Variants in DOCK4 observed in about 807,000 individuals in gnomAD.
The protein encoded by DOCK4 is dedicator of cytokinesis 4.
DOCK4 carries 97 observed loss-of-function variants against 268.1 expected under a neutral mutation model. The observed-to-expected ratio is 0.36, with a 90% CI of 0.31 to 0.43. The LOEUF is 0.43. Ranked by LOEUF, DOCK4 falls within the 20% of genes least tolerant of loss-of-function variation. DOCK4 has a pLI of 1.00. For missense variants in DOCK4, 2,145 were observed against 2,455.7 expected (o/e 0.87, Z 2.67); for synonymous variants, 954 against 887.2 (o/e 1.08, Z -1.34).
Position 111,809,348 on chromosome 7 carries a change from C to T in DOCK4, c.3060G>A (p.Leu1020=). The change falls in exon 29 of 53, where the codon CTG becomes CTA. Residue 1020 remains leucine (L), a synonymous_variant. Transcript: ENST00000428084. ...TGGAAGGTGTGAACATCTCCAACTGCAGACACAACTGGTTTATAAAAATGA... is the reference window on the plus strand; with the variant it reads ...TGGAAGGTGTGAACATCTCCAACTGTAGACACAACTGGTTTATAAAAATGA... ...LAVIFINQLC[L]QLEMFTPSKK... 6.4e-7 allele frequency: 1 copy of T among 1,567,588 alleles called. No individual in the cohort carries two copies. The highest frequency in any genetic ancestry group is 8.7e-7 in the Non-Finnish European group (1 of 1,154,348).
chr7:112,060,414 T>C (rs1052236306), intron 1 of DOCK4, among the ~76,000 whole-genome samples: 4 of 152,148 alleles, frequency 2.6e-5, no homozygotes, highest in Non-Finnish European at 5.9e-5. Context: ...AGTATAATGG[T>C]TCCTCAAAAA....
At position 111,789,503 on chromosome 7, in the gene DOCK4, C is replaced by G. The variant is rs910250472; in HGVS notation, c.3316-756G>C. On this transcript the variant is annotated intron_variant, in intron 31 of 52. Transcript: ENST00000428084. ...AGGAATATTTGACTTTGTCAAAAGA[C>G]TAAGCCCAATTATTATTCCTTTAAA... Among the ~76,000 whole-genome samples the G allele has an allele frequency of 5.9e-5, 9 of 152,128 alleles. 1 individual carries two copies. The highest frequency in any genetic ancestry group is 2.2e-4 in the African/African-American group (9 of 41,424).
chr7:112,036,244 C>T (rs754124412), intron 1 of DOCK4, among the ~76,000 whole-genome samples: 17 of 151,668 alleles, frequency 1.1e-4, no homozygotes, highest in Non-Finnish European at 1.8e-4. Flanking sequence ...AAGGACTTGA[C>T]GATGAAAATT....
chr7:111,976,308 T>TG (rs1798204737), intron 8 of DOCK4, among the ~76,000 whole-genome samples: 1 of 93,210 alleles, frequency 1.1e-5, no homozygotes, highest in Non-Finnish European at 2.2e-5. Context: ...TATATATATA[T>TG]ATATATATAT....
intron 43 of DOCK4, among the ~76,000 whole-genome samples, chr7:111,747,053 CAT>C (rs763786317): frequency 2.0e-4 from 30 of 152,206 alleles, no homozygotes; most frequent in East Asian, 5.8e-4. Flanking sequence ...CACACACACA[CAT>C]TTTTATTATC....
chr7:112,167,191 G>C (rs368856219), intron 1 of DOCK4, among the ~76,000 whole-genome samples: 47 of 152,254 alleles, frequency 3.1e-4, no homozygotes, highest in African/African-American at 1.1e-3. Flanking sequence ...TAATAACACT[G>C]ATCAACTTCT....
chr7:112,205,523 G>A (rs1821326481), intron 1 of DOCK4, among the ~76,000 whole-genome samples: 1 of 152,116 alleles, frequency 6.6e-6, no homozygotes, highest in Non-Finnish European at 1.5e-5. Flanking sequence ...TCGCAGAGAG[G>A]GAGGAGGGTC....
chr7:111,940,457 C>T (rs1397353021), intron 10 of DOCK4, among the ~76,000 whole-genome samples: 2 of 152,142 alleles, frequency 1.3e-5, no homozygotes, highest in African/African-American at 2.4e-5. Context: ...AAATTCTGGG[C>T]GTCAGTTGCC....
intron 39 of DOCK4, among the ~76,000 whole-genome samples, chr7:111,762,747 ATTTTGTTTTGTTTTCTTTTTTTTTTTT>A (rs2133608904): frequency 1.3e-5 from 1 of 78,804 alleles, no homozygotes; most frequent in Admixed American, 1.4e-4. Flanking sequence ...TAAATAACCC[ATTTTGTTTTGTTTTCTTTTTTTTTTTT>A]TTTTTTTTTT....
intron 23 of DOCK4, among the ~76,000 whole-genome samples, chr7:111,857,645 A>T (rs1461552988): frequency 6.6e-6 from 1 of 152,216 alleles, no homozygotes; most frequent in East Asian, 1.9e-4. Context: ...TCAAGTACCA[A>T]GCAATGGTGA....
intron 12 of DOCK4, among the ~76,000 whole-genome samples, chr7:111,932,052 G>A (rs1353898668): frequency 6.6e-6 from 1 of 152,182 alleles, no homozygotes; most frequent in Non-Finnish European, 1.5e-5. Context: ...TTATGTTAGA[G>A]TCTATCTAGA....
At chr7:111,746,511 G>T in intron 43 of DOCK4, 94 bp from the exon 44 acceptor site, 1 of 996,280 alleles carries the variant, frequency 1.0e-6, no homozygotes, top group Admixed American at 2.1e-5. Flanking sequence ...TTATGGAAAT[G>T]ACACCATTAC....
intron 42 of DOCK4, among the ~76,000 whole-genome samples, chr7:111,751,052 C>T (rs145680444): frequency 0.01 from 1,540 of 152,080 alleles, 33 homozygotes; most frequent in African/African-American, 0.035. Context: ...ATTTTGCAAC[C>T]CATAAAAGAT....
At chr7:111,923,331 T>C (rs1277159099) in intron 12 of DOCK4, among the ~76,000 whole-genome samples, 1 of 152,220 alleles carries the variant, frequency 6.6e-6, no homozygotes, top group Non-Finnish European at 1.5e-5. Context: ...TGTAACAGTT[T>C]GGCAAGTAAA....
intron 31 of DOCK4, chr7:111,789,082 T>G (rs1030273456): frequency 2.5e-5 from 8 of 320,054 alleles, no homozygotes; most frequent in African/African-American, 1.7e-4. Flanking sequence ...TTCTTTTTTC[T>G]TTTTTTTAAA....
chr7:111,735,222 C>T (rs1254037910), intron 50 of DOCK4, 55 bp from the exon 51 acceptor site: 7 of 1,171,678 alleles, frequency 6.0e-6, no homozygotes, highest in Non-Finnish European at 7.1e-6. Context: ...CCTTCCAATG[C>T]TTGAGATCTT....
chr7:111,954,521 A>G (rs1227622676), intron 8 of DOCK4, among the ~76,000 whole-genome samples: 1 of 152,100 alleles, frequency 6.6e-6, no homozygotes, highest in Non-Finnish European at 1.5e-5. Flanking sequence ...AGCTTAAGGG[A>G]ATGAATAACT....
chr7:112,190,899 T>G (rs1227769978), intron 1 of DOCK4, among the ~76,000 whole-genome samples: 2 of 152,058 alleles, frequency 1.3e-5, no homozygotes, highest in East Asian at 3.9e-4. Flanking sequence ...GGACAGGGCT[T>G]CTCTGAGCAT....
chr7:112,195,252 C>G (rs889331748), intron 1 of DOCK4, among the ~76,000 whole-genome samples: 4 of 152,288 alleles, frequency 2.6e-5, no homozygotes, highest in South Asian at 4.2e-4. Flanking sequence ...GCACTCCAGC[C>G]TGGGCAACAG....
Sources: allele counts gnomAD v4.1 joint callset (sites outside exome capture counted in the v4.1 genomes callset), GRCh38; gene constraint gnomAD v4.1.1; transcripts MANE v1.5; gene names NCBI Gene and HGNC (gene_info 2026-07-23, HGNC 2026-07-21).